The following AP3M2 variants were observed in gnomAD, a reference collection of about 807,000 sequenced individuals.
The protein encoded by AP3M2 is AP-3 complex subunit mu-2.
Under a neutral mutation model 41.6 loss-of-function variants are expected in AP3M2, and 28 were observed. The observed-to-expected ratio is 0.67, with a 90% confidence interval of 0.50 to 0.92. The LOEUF (loss-of-function observed/expected upper bound fraction) is 0.92. Ranked by LOEUF, AP3M2 falls within the 40% of genes least tolerant of loss-of-function variation. The probability of loss-of-function intolerance (pLI) is 0.00; values close to 1 mark genes in which losing one functional copy is unlikely to be tolerated. For synonymous variants in AP3M2, 193 were observed against 186.4 expected (o/e 1.04, Z -0.29); for missense variants, 427 against 521.4 (o/e 0.82, Z 1.76).
chr8:42,166,775 A>C, intron 6 of AP3M2: 1 of 190,360 alleles, frequency 5.3e-6, no homozygotes, highest in South Asian at 9.3e-5. Flanking sequence ...TCAAAAAAAA[A>C]AGAAAGAAAT....
Position 42,167,370 on chromosome 8 carries a change from A to C in AP3M2, c.1010A>C (p.Lys337Thr). The change falls in exon 7 of 9, where the codon AAG becomes ACG. Residue 337 changes from lysine (K) to threonine (T), a missense_variant and splice_region_variant. Around this residue, in one of 3 missense-constraint regions of AP3M2, gnomAD observed 237 missense variants for 284.9 expected, o/e 0.83. Coordinates refer to ENST00000396926, the MANE Select transcript of AP3M2 (RefSeq NM_006803.4). The stretch of plus-strand genomic sequence containing the variant: ...ACACACACATTCGACCCAGTCACAA[A>C]GGTAGGGATGAGCAGGACATCTTGA... ...QGTHTFDPVT[K>T]MLSWDVGKIN... 6.2e-7 allele frequency: 1 copy of C among 1,613,830 alleles called. No individual in the cohort carries two copies.
At chr8:42,166,016 C>T (rs1184194252) in intron 6 of AP3M2, among the ~76,000 whole-genome samples, 1 of 152,126 alleles carries the variant, frequency 6.6e-6, no homozygotes, top group Non-Finnish European at 1.5e-5. Context: ...CTTTTGGAAG[C>T]AGTTTTGTAT....
Position 42,170,712 on chromosome 8 carries a change from C to T in AP3M2, c.*1651C>T, listed in dbSNP as rs1804775997. 1 of 152,236 alleles carries T rather than the reference C, an allele frequency of 6.6e-6. No individual in the cohort carries two copies. 9.4% of individuals were successfully genotyped at this position (152,236 alleles called of 1,614,324 possible). On this transcript the variant is annotated 3_prime_UTR_variant, in exon 9 of 9. Coordinates refer to ENST00000396926, the MANE Select transcript of AP3M2 (RefSeq NM_006803.4). ...ACTGTACACAACCAGATGTGTTCCA[C>T]ACTCCGTGACTCCGCAGTTTGTCCT...
rs1164884313 is a variant in AP3M2 at position 42,169,960 on chromosome 8, AAAGT to A, written c.*903_*906del. ...CCTGATCCTTCTACAGGATTTTTAA[AAAGT>A]AAGAGAGTTTCAGAGAAGCCGATCC... On this transcript the variant is annotated 3_prime_UTR_variant, in exon 9 of 9. Coordinates refer to ENST00000396926, the MANE Select transcript of AP3M2 (RefSeq NM_006803.4). The A allele has an allele frequency of 3.3e-5, 5 of 152,324 alleles. No homozygotes were observed. The highest frequency in any genetic ancestry group is 1.2e-4 in the African/African-American group (5 of 41,558). 9.4% of individuals were successfully genotyped at this position (152,324 alleles called of 1,614,324 possible).
rs1804305307 is a variant in AP3M2 at position 42,154,652 on chromosome 8, G to GA, written c.-31dup. 6.2e-7 allele frequency: 1 copy of GA among 1,606,838 alleles called. No individual in the cohort carries two copies. The highest frequency in any genetic ancestry group is 1.3e-5 in the African/African-American group (1 of 74,622). The stretch of plus-strand genomic sequence containing the variant: ...TACAGAGTCCTGAGGCTTTCAGACT[G>GA]AAAAAGGCTTTCTTCTGTCACTGAC... On this transcript the variant is annotated 5_prime_UTR_variant, in exon 2 of 9. Transcript: ENST00000396926.
In AP3M2 at chr8:42,158,084, C is replaced by A. The variant is rs766631470; in HGVS notation, c.417C>A (p.Ile139=). The A allele has an allele frequency of 8.7e-6, 14 of 1,613,994 alleles. No individual in the cohort carries two copies. In the South Asian group the frequency reaches 1.4e-4, roughly 16 times the overall value. The change falls in exon 3 of 9, where the codon ATC becomes ATA. Residue 139 remains isoleucine (I), a synonymous_variant. Transcript: ENST00000396926. ...ILKELIKPPT[I]LRTVVNTITG... Reference sequence around the variant, plus strand: ...AAGAACTCATAAAGCCTCCTACCATCCTTCGAACGGTTGTCAACACCATCA... The same window carrying A: ...AAGAACTCATAAAGCCTCCTACCATACTTCGAACGGTTGTCAACACCATCA...
intron 3 of AP3M2, among the ~76,000 whole-genome samples, chr8:42,159,004 A>G (rs111638747): frequency 0.01 from 1,597 of 152,202 alleles, 26 homozygotes; most frequent in African/African-American, 0.037. Context: ...CATGTTGACT[A>G]TGCTGGTCTC....
rs1804675319 is a variant in AP3M2, at chr8:42,167,597, C to T, written c.1012-69C>T. 3.9e-5 allele frequency: 60 copies of T among 1,554,662 alleles called. 1 individual carries two copies. In the South Asian group the frequency reaches 7.1e-4, roughly 18 times the overall value. On this transcript the variant is annotated intron_variant, in intron 7 of 8. Transcript: ENST00000396926. The stretch of plus-strand genomic sequence containing the variant: ...TGCCCTGAGTTTAGATCTCAGCCAC[C>T]TCAAATGCAGGATTCTGCTGTAACT...
intron 2 of AP3M2, chr8:42,155,918 C>T (rs1804341440): frequency 4.4e-6 from 2 of 452,468 alleles, no homozygotes; most frequent in Middle Eastern, 3.2e-4. Flanking sequence ...ACGTCTAGAA[C>T]AACTTCCCTT....
rs764746471 is a variant in AP3M2 at position 42,165,464 on chromosome 8, G to A, written c.707G>A (p.Cys236Tyr). The change falls in exon 6 of 9, where the codon TGT becomes TAT. Residue 236 changes from cysteine (C) to tyrosine (Y), a missense_variant. Physicochemically the swap from Cys to Tyr is radical, Grantham distance 194. Around this residue, in one of 3 missense-constraint regions of AP3M2, gnomAD observed 237 missense variants for 284.9 expected, o/e 0.83. Transcript: ENST00000396926. ...RLLDDVSFHP[C>Y]VRFKRWESER... ...TTGGATGATGTCAGCTTCCATCCTT[G>A]TGTTCGTTTCAAACGCTGGGAATCT... 6.2e-7 allele frequency: 1 copy of A among 1,614,208 alleles called. No individual in the cohort carries two copies. The highest frequency in any genetic ancestry group is 1.7e-5 in the Admixed American group (1 of 60,024).
rs1804730336 is a variant in AP3M2, at chr8:42,169,298, G to A, written c.*237G>A. ...TCTCAAGGACAAGGTGTGTGATGGGGGTAGGAAGCTTGGTGCTTATGTAAC... is the reference window on the plus strand; with the variant it reads ...TCTCAAGGACAAGGTGTGTGATGGGAGTAGGAAGCTTGGTGCTTATGTAAC... On this transcript the variant is annotated 3_prime_UTR_variant, in exon 9 of 9. Coordinates refer to ENST00000396926, the MANE Select transcript of AP3M2 (RefSeq NM_006803.4). 2.7e-6 allele frequency: 1 copy of A among 375,048 alleles called. No homozygotes were observed. The highest frequency in any genetic ancestry group is 4.6e-5 in the Admixed American group (1 of 21,720). 23.2% of individuals were successfully genotyped at this position (375,048 alleles called of 1,614,324 possible).
Position 42,165,536 on chromosome 8 carries a change from T to A in AP3M2, c.779T>A (p.Leu260Gln), listed in dbSNP as rs1344645342. 1.2e-6 allele frequency: 2 copies of A among 1,614,104 alleles called. No homozygotes were observed. Among genetic ancestry groups the A allele is most frequent in the Non-Finnish European group, 1.7e-6 (2 of 1,180,040 alleles). ...CCTCCTGATGGAAACTTCCGCCTGC[T>A]GTCTTACCATGTCAGTGCACAGAAG... ...FIPPDGNFRL[L>Q]SYHVSAQNLV... The change falls in exon 6 of 9, where the codon CTG becomes CAG. Residue 260 changes from leucine to glutamine, a missense_variant. Physicochemically the swap from Leu to Gln is moderately radical, Grantham distance 113 (BLOSUM62 -2). This residue lies in a region of AP3M2 where 237 missense variants were observed against 284.9 expected (regional missense o/e 0.83). Transcript: ENST00000396926.
intron 3 of AP3M2, 22 bp from the exon 4 acceptor site, chr8:42,162,258 TA>T: frequency 6.3e-7 from 1 of 1,597,786 alleles, no homozygotes; most frequent in Non-Finnish European, 8.5e-7. Flanking sequence ...GGTGTTAAAA[TA>T]CAGTAATATT....
At chr8:42,162,239 A>G (rs1804525070) in intron 3 of AP3M2, 42 bp from the exon 4 acceptor site, 1 of 1,562,988 alleles carries the variant, frequency 6.4e-7, no homozygotes, top group East Asian at 2.3e-5. Flanking sequence ...TGGTTTCTAG[A>G]GTCAAAATGG....
rs1358049788 is a variant in AP3M2, at chr8:42,169,766, AC to A, written c.*706del. On this transcript the variant is annotated 3_prime_UTR_variant, in exon 9 of 9. Transcript: ENST00000396926. ...CCCTCAAAGACCATGATGGTATCGG[AC>A]TAGTTTTCAGACACTGCCTGTTGCT... 10 of 152,308 alleles carry A rather than the reference AC, an allele frequency of 6.6e-5. No individual in the cohort carries two copies. The highest frequency in any genetic ancestry group is 2.2e-4 in the African/African-American group (9 of 41,568). The allele number at this position is 152,308 out of a possible 1,614,324, so 9.4% of individuals were successfully genotyped here. A position where few individuals can be genotyped will look rare whatever the true frequency, so the allele number is the denominator to read the frequency against.
intron 4 of AP3M2, 51 bp from the exon 5 acceptor site, chr8:42,165,020 A>T (rs768676669): frequency 5.2e-6 from 8 of 1,523,952 alleles, no homozygotes; most frequent in Non-Finnish European, 7.2e-6. Context: ...GTTGAGAAGG[A>T]CAGAGAAGTA....
At chr8:42,158,381 TG>T (rs1448963879) in intron 3 of AP3M2, among the ~76,000 whole-genome samples, 1 of 151,804 alleles carries the variant, frequency 6.6e-6, no homozygotes, top group Admixed American at 6.6e-5. Flanking sequence ...CCCGAGTAGC[TG>T]GGATTACAGG....
In AP3M2 at chr8:42,154,976, A is replaced by G. The variant is rs756497245; in HGVS notation, c.273+16A>G. The G allele has an allele frequency of 1.9e-6, 3 of 1,602,264 alleles. No homozygotes were observed. Among genetic ancestry groups the G allele is most frequent in the Admixed American group, 1.7e-5 (1 of 59,902 alleles). On this transcript the variant is annotated intron_variant, in intron 2 of 8. Coordinates refer to ENST00000396926, the MANE Select transcript of AP3M2 (RefSeq NM_006803.4). ...CACATTTCAGGTTCGTGAATGTGGG[A>G]AAGTTCATATATGTAAACCGTAAAG...
chr8:42,161,368 T>C (rs1451070301), intron 3 of AP3M2, among the ~76,000 whole-genome samples: 2 of 152,120 alleles, frequency 1.3e-5, no homozygotes, highest in African/African-American at 2.4e-5. Context: ...CCCAGCACTT[T>C]GGGAGGCCGA....
Sources: gnomAD v4.1 joint callset for allele counts (sites outside exome capture counted in the v4.1 genomes callset) on GRCh38, gnomAD v4.1.1 for gene constraint, gnomAD v4.1.1 regional missense constraint, MANE v1.5 for transcripts, NCBI Gene and HGNC (gene_info 2026-07-23, HGNC 2026-07-21) for gene names.